Variants in IP6K1 observed in about 807,000 individuals in gnomAD.
The protein encoded by IP6K1 is inositol hexakisphosphate kinase 1.
A neutral mutation model predicts 38.3 loss-of-function variants in IP6K1; 13 were observed. The ratio of observed to expected loss-of-function variants is 0.34; its 90% CI spans 0.22 to 0.54. The LOEUF is 0.54. Among genes scored for constraint, IP6K1 ranks in the 20% least tolerant of loss-of-function variants. The pLI is 0.92. For synonymous variants in IP6K1, 212 were observed against 229.9 expected (o/e 0.92, Z 0.70); for missense variants, 397 against 599.8 (o/e 0.66, Z 3.53).
intron 1 of IP6K1, among the ~76,000 whole-genome samples, chr3:49,764,015 G>C (rs2080888162): frequency 6.6e-6 from 1 of 151,850 alleles, no homozygotes; most frequent in Admixed American, 6.6e-5. Context: ...GAGCAAGACT[G>C]TTTCCAAAAA....
rs148966674 is a variant in IP6K1, at chr3:49,738,295, G to C, written c.351C>G (p.His117Gln). The C allele has an allele frequency of 6.2e-7, 1 of 1,614,224 alleles. No homozygotes were observed. Among genetic ancestry groups the C allele is most frequent in the Non-Finnish European group, 8.5e-7 (1 of 1,180,046 alleles). ...TTEREQPRRK[H>Q]SRRSLHRSGS... ...CTGACCGGTGCAGGCTCCGGCGGGA[G>C]TGTTTGCGCCGAGGTTGCTCCCGTT... Residue 117 changes from histidine (H) to glutamine (Q), a missense_variant, in exon 3 of 6, where the codon CAC (histidine) becomes CAG (glutamine). By Grantham distance (24) the His-to-Gln change is conservative (BLOSUM62 0). Transcript: ENST00000321599.
chr3:49,750,166 G>C (rs2080760671), intron 1 of IP6K1, among the ~76,000 whole-genome samples: 1 of 152,192 alleles, frequency 6.6e-6, no homozygotes, highest in Admixed American at 6.5e-5. Flanking sequence ...GGGCAGGTCA[G>C]GGTCTCTGGA....
chr3:49,747,964 A>G lies in IP6K1; in HGVS notation c.77T>C (p.Leu26Pro). The change falls in exon 2 of 6, where the codon CTG becomes CCG. Residue 26 changes from leucine (L) to proline (P), a missense_variant. Leu to Pro is a moderately conservative substitution (Grantham distance 98). This residue lies in a region of IP6K1 where 171 missense variants were observed against 237.0 expected (regional missense o/e 0.72). Coordinates refer to ENST00000321599, the MANE Select transcript of IP6K1 (RefSeq NM_153273.4). ...GCCTACTTGGTGGATGAAGGGCTCC[A>G]GGAGGACTCCCCGGTCTCCAGCCCG... ...ASRAGDRGVL[L>P]EPFIHQVGGH... is the part of the protein sequence containing the mutation. The G allele has an allele frequency of 6.2e-7, 1 of 1,614,198 alleles. No individual in the cohort carries two copies. Among genetic ancestry groups the G allele is most frequent in the Non-Finnish European group, 8.5e-7 (1 of 1,180,044 alleles).
At chr3:49,764,226 A>G (rs2080890012) in intron 1 of IP6K1, among the ~76,000 whole-genome samples, 1 of 151,898 alleles carries the variant, frequency 6.6e-6, no homozygotes, top group South Asian at 2.1e-4. Flanking sequence ...TACAAAAGAA[A>G]AAAAAAATAG....
chr3:49,738,179 T>C, intron 3 of IP6K1, 33 bp downstream of exon 3: 2 of 1,566,108 alleles, frequency 1.3e-6, no homozygotes, highest in Non-Finnish European at 8.8e-7. Flanking sequence ...TCTTGAGTGC[T>C]TGTACCAGCA....
At chr3:49,778,293 C>A (rs2081036555) in intron 1 of IP6K1, among the ~76,000 whole-genome samples, 1 of 150,756 alleles carries the variant, frequency 6.6e-6, no homozygotes, top group Non-Finnish European at 1.5e-5. Context: ...CCACTGCACT[C>A]CAGCCTGGGC....
intron 1 of IP6K1, among the ~76,000 whole-genome samples, chr3:49,781,119 T>G (rs1032334678): frequency 6.6e-6 from 1 of 151,376 alleles, no homozygotes; most frequent in African/African-American, 2.4e-5. Flanking sequence ...TAGAGTGCAG[T>G]GGCGCAATCT....
At chr3:49,786,079 G>A (rs1277895809) in intron 1 of IP6K1, 1 of 152,310 alleles carries the variant, frequency 6.6e-6, no homozygotes, top group African/African-American at 2.4e-5. Context: ...CGGATCAGCG[G>A]AGTCCAGAGC....
In IP6K1 at chr3:49,763,595, T is replaced by A. The variant is rs191016831; in HGVS notation, c.-128-15427A>T. ...TGGGAAATGCAAGGTTGATTAAACATCTAAAGAATCAATCAGTATTACTAC... is the reference window on the plus strand; with the variant it reads ...TGGGAAATGCAAGGTTGATTAAACAACTAAAGAATCAATCAGTATTACTAC... On this transcript the variant is annotated intron_variant, in intron 1 of 5. Transcript: ENST00000321599. Among the ~76,000 whole-genome samples, 683 of 152,250 alleles carry A rather than the reference T, an allele frequency of 4.5e-3. 7 individuals are homozygous for A. The highest frequency in any genetic ancestry group is 0.015 in the African/African-American group (642 of 41,556).
intron 1 of IP6K1, chr3:49,785,689 A>C (rs1270943563): frequency 6.6e-6 from 1 of 152,236 alleles, no homozygotes; most frequent in African/African-American, 2.4e-5. Flanking sequence ...AAGCAAAAAG[A>C]GGAAGACATT....
chr3:49,743,221 A>G (rs2080686991), intron 2 of IP6K1, among the ~76,000 whole-genome samples: 1 of 130,020 alleles, frequency 7.7e-6, no homozygotes, highest in Admixed American at 8.7e-5. Context: ...CCCTATCTCA[A>G]AACAAAAACA....
In IP6K1 at chr3:49,725,338, A is replaced by G. The variant is rs1262055688; in HGVS notation, c.*1784T>C. On this transcript the variant is annotated 3_prime_UTR_variant, in exon 6 of 6. Transcript: ENST00000321599. ...TGACTATCTACACTAATGAAGGGCT[A>G]CTGCCCCCATGGCTGAAGCCACAGA... is the stretch of plus-strand genomic sequence containing the variant. The G allele has an allele frequency of 6.6e-6, 1 of 152,388 alleles. No homozygotes were observed. The highest frequency in any genetic ancestry group is 1.5e-5 in the Non-Finnish European group (1 of 68,068). 9.4% of individuals were successfully genotyped at this position (152,388 alleles called of 1,614,324 possible). A position where few individuals can be genotyped will look rare whatever the true frequency, so the allele number is the denominator to read the frequency against.
At chr3:49,728,363 G>A in intron 4 of IP6K1, 85 bp from the exon 5 acceptor site, 3 of 1,321,002 alleles carry the variant, frequency 2.3e-6, no homozygotes, top group Non-Finnish European at 3.2e-6. Context: ...TATAAAAGGG[G>A]GCTTTTACCT....
chr3:49,774,405 C>A (rs2108260835), intron 1 of IP6K1, among the ~76,000 whole-genome samples: 1 of 63,280 alleles, frequency 1.6e-5, no homozygotes. Flanking sequence ...TAGACTCCAT[C>A]TCAAAAAAAA....
At position 49,727,075 on chromosome 3, in the gene IP6K1, C is replaced by A; in HGVS notation, c.*47G>T. 1 of 1,521,232 alleles carries A rather than the reference C, an allele frequency of 6.6e-7. No homozygotes were observed. Among genetic ancestry groups the A allele is most frequent in the Admixed American group, 2.1e-5 (1 of 48,292 alleles). 94.2% of individuals were successfully genotyped at this position (1,521,232 alleles called of 1,614,324 possible). On this transcript the variant is annotated 3_prime_UTR_variant, in exon 6 of 6. Transcript: ENST00000321599. The surrounding 1 kb of genome is among the most constrained non-coding windows in gnomAD (Gnocchi z 5.9). ...TCACGGCAAGTTCAGAACAATGGTC[C>A]CTGCCTGCAGTGGAGAGGAAGGGGT...
intron 1 of IP6K1, among the ~76,000 whole-genome samples, chr3:49,783,643 G>A (rs974821888): frequency 1.3e-5 from 2 of 151,528 alleles, no homozygotes; most frequent in African/African-American, 4.9e-5. Flanking sequence ...AACCCAGGAG[G>A]TGGAGCTTGC....
chr3:49,781,801 T>C (rs967872989), intron 1 of IP6K1, among the ~76,000 whole-genome samples: 4 of 152,068 alleles, frequency 2.6e-5, no homozygotes, highest in Admixed American at 2.6e-4. Flanking sequence ...CTCCTGAAAT[T>C]GGCCAGGCAA....
At chr3:49,772,900 T>C (rs1482700797) in intron 1 of IP6K1, among the ~76,000 whole-genome samples, 2 of 151,714 alleles carry the variant, frequency 1.3e-5, no homozygotes, top group Non-Finnish European at 2.9e-5. Flanking sequence ...CACTGCTCAC[T>C]GCAGCCTCCA....
chr3:49,776,435 T>G (rs938339580), intron 1 of IP6K1, among the ~76,000 whole-genome samples: 5 of 151,858 alleles, frequency 3.3e-5, no homozygotes, highest in African/African-American at 1.2e-4. Context: ...GAAAATTACT[T>G]GAACCTGGGA....
Sources: gnomAD v4.1 joint callset for allele counts (sites outside exome capture counted in the v4.1 genomes callset) on GRCh38, gnomAD v4.1.1 for gene constraint, gnomAD v4.1.1 regional missense constraint, Gnocchi (gnomAD v3.1) non-coding constraint, MANE v1.5 for transcripts, NCBI Gene and HGNC (gene_info 2026-07-23, HGNC 2026-07-21) for gene names.